The following L3MBTL4 variants were observed in gnomAD, a reference collection of about 807,000 sequenced individuals.
L3MBTL4 encodes lethal(3)malignant brain tumor-like protein 4.
L3MBTL4 carries 70 observed loss-of-function variants against 84.5 expected under a neutral mutation model. That is an observed-to-expected ratio of 0.83 (90% CI 0.68 to 1.01). The LOEUF is 1.01. Ranked by LOEUF, L3MBTL4 falls within the 50% of genes least tolerant of loss-of-function variation. The pLI, the probability that L3MBTL4 is intolerant of heterozygous loss-of-function variation, is 0.00. For synonymous variants in L3MBTL4, 274 were observed against 259.8 expected, an observed-to-expected ratio of 1.05 and a Z score of -0.52; for missense variants, 715 against 754.8, an observed-to-expected ratio of 0.95 and a Z score of 0.62.
At chr18:6,371,768 C>T (rs1338979778) in intron 1 of L3MBTL4, among the ~76,000 whole-genome samples, 3 of 152,170 alleles carry the variant, frequency 2.0e-5, no homozygotes, top group Admixed American at 6.5e-5. Context: ...AAGCAGAAAA[C>T]CTAATAATTT....
At chr18:6,073,183 G>C (rs2057745479) in intron 16 of L3MBTL4, among the ~76,000 whole-genome samples, 1 of 150,104 alleles carries the variant, frequency 6.7e-6, no homozygotes, top group Non-Finnish European at 1.5e-5. Context: ...GAGTGAGAGA[G>C]ACAGAGGGGG....
chr18:5,995,858 T>C (rs985129396), intron 16 of L3MBTL4, among the ~76,000 whole-genome samples: 1 of 152,130 alleles, frequency 6.6e-6, no homozygotes, highest in African/African-American at 2.4e-5. Context: ...CCAAGCTGGG[T>C]CCATTGATCC....
intron 12 of L3MBTL4, among the ~76,000 whole-genome samples, chr18:6,207,416 T>C (rs1368262328): frequency 1.3e-5 from 2 of 152,194 alleles, no homozygotes; most frequent in East Asian, 3.9e-4. Flanking sequence ...CATATGCTAC[T>C]TTATTGGGTT....
chr18:6,388,875 T>G (rs570957300), intron 1 of L3MBTL4, among the ~76,000 whole-genome samples: 1 of 151,868 alleles, frequency 6.6e-6, no homozygotes, highest in African/African-American at 2.4e-5. Context: ...CAGGTGTCAA[T>G]AGTACTTAAC....
chr18:6,377,328 T>C (rs923002461), intron 1 of L3MBTL4, among the ~76,000 whole-genome samples: 12 of 152,206 alleles, frequency 7.9e-5, no homozygotes, highest in African/African-American at 2.9e-4. Flanking sequence ...TTTTTAATTA[T>C]TATTTGTATT....
chr18:5,965,413 T>A (rs1031974165), intron 17 of L3MBTL4, among the ~76,000 whole-genome samples: 7 of 152,150 alleles, frequency 4.6e-5, no homozygotes, highest in Admixed American at 6.5e-5. Flanking sequence ...TTTTAAGTCT[T>A]CCCGAAGGAT....
chr18:6,054,665 C>T (rs1157089919), intron 16 of L3MBTL4, among the ~76,000 whole-genome samples: 3 of 152,202 alleles, frequency 2.0e-5, no homozygotes, highest in Non-Finnish European at 2.9e-5. Context: ...TCAGCTGTAA[C>T]CTCAAACAGA....
At chr18:6,296,306 A>G (rs1348238929) in intron 4 of L3MBTL4, among the ~76,000 whole-genome samples, 1 of 152,208 alleles carries the variant, frequency 6.6e-6, no homozygotes, top group Admixed American at 6.5e-5. Flanking sequence ...TAGCTAATTA[A>G]TACTCTAGAG....
At position 6,243,201 on chromosome 18, in the gene L3MBTL4, G is replaced by C. The variant is rs116485526; in HGVS notation, c.460+93C>G. The C allele has an allele frequency of 2.5e-3, 2,894 of 1,165,796 alleles. 71 individuals are homozygous for C. In the African/African-American group the frequency reaches 0.042, roughly 17 times the overall value. 72.2% of individuals were successfully genotyped at this position (1,165,796 alleles called of 1,614,324 possible). On this transcript the variant is annotated intron_variant, in intron 7 of 18. Transcript: ENST00000317931. Reference sequence around the variant, plus strand: ...TCATTTTGGAAATCAATCCACACCAGGATCTCTTCTTCGAATTTCATAAAG... The same window carrying C: ...TCATTTTGGAAATCAATCCACACCACGATCTCTTCTTCGAATTTCATAAAG...
At position 6,163,246 on chromosome 18, in the gene L3MBTL4, G is replaced by A. The variant is rs565992912; in HGVS notation, c.1096+8582C>T. Among the ~76,000 whole-genome samples, 574 of 129,392 alleles carry A rather than the reference G, an allele frequency of 4.4e-3. 5 individuals carry two copies. The highest frequency in any genetic ancestry group is 0.017 in the African/African-American group (557 of 33,406). 84.9% of individuals were successfully genotyped at this position (129,392 alleles called of 152,430 possible). ...TTGGAGTAGGGGTGTGTTTGTCTAC[G>A]GGTGTGTGTGTGTGGGGGGGGGGTG... On this transcript the variant is annotated intron_variant, in intron 13 of 18. Transcript: ENST00000317931.
chr18:6,229,733 C>G (rs1399022268), intron 10 of L3MBTL4, among the ~76,000 whole-genome samples: 1 of 152,176 alleles, frequency 6.6e-6, no homozygotes, highest in Non-Finnish European at 1.5e-5. Context: ...TGAAGACTCT[C>G]TTTTCCCCAC....
intron 10 of L3MBTL4, among the ~76,000 whole-genome samples, chr18:6,224,020 A>G (rs1039644571): frequency 2.6e-5 from 4 of 152,178 alleles, no homozygotes; most frequent in Non-Finnish European, 5.9e-5. Context: ...GGTGGGAGTA[A>G]TTAACCTGGG....
At chr18:6,288,168 T>C (rs1203724627) in intron 4 of L3MBTL4, among the ~76,000 whole-genome samples, 2 of 152,242 alleles carry the variant, frequency 1.3e-5, no homozygotes. Context: ...ATAACTGAAA[T>C]TCTAAAGTAA....
chr18:6,274,185 G>A (rs760072667), intron 4 of L3MBTL4, among the ~76,000 whole-genome samples: 1 of 152,214 alleles, frequency 6.6e-6, no homozygotes, highest in Non-Finnish European at 1.5e-5. Flanking sequence ...ACCCAAACCA[G>A]CAGCATCAGT....
At chr18:6,256,602 G>A (rs1385836140) in intron 5 of L3MBTL4, 1 of 151,728 alleles carries the variant, frequency 6.6e-6, no homozygotes, top group Non-Finnish European at 1.5e-5. Context: ...ACAAGAAAGT[G>A]GGGGGAGGTG....
At chr18:6,369,918 G>A (rs1361804381) in intron 1 of L3MBTL4, among the ~76,000 whole-genome samples, 1 of 152,128 alleles carries the variant, frequency 6.6e-6, no homozygotes, top group African/African-American at 2.4e-5. Context: ...TGGATCACTT[G>A]AGGTCAAGAG....
chr18:6,246,936 A>G (rs1032547826), intron 5 of L3MBTL4, among the ~76,000 whole-genome samples: 2 of 152,176 alleles, frequency 1.3e-5, no homozygotes, highest in Non-Finnish European at 2.9e-5. Context: ...GGGAAATTTA[A>G]AAGTTGCAAC....
intron 4 of L3MBTL4, among the ~76,000 whole-genome samples, chr18:6,296,413 G>A (rs1222878749): frequency 6.6e-6 from 1 of 152,124 alleles, no homozygotes; most frequent in African/African-American, 2.4e-5. Context: ...AACTTAGGTA[G>A]GAGATTTGGC....
intron 1 of L3MBTL4, among the ~76,000 whole-genome samples, chr18:6,355,488 T>C (rs568179204): frequency 1.3e-5 from 2 of 152,216 alleles, no homozygotes; most frequent in South Asian, 4.1e-4. Flanking sequence ...ACAGTAGTAA[T>C]CTTCATCCAT....
Sources: gnomAD v4.1 joint callset for allele counts (sites outside exome capture counted in the v4.1 genomes callset) on GRCh38, gnomAD v4.1.1 for gene constraint, MANE v1.5 for transcripts, NCBI Gene and HGNC (gene_info 2026-07-23, HGNC 2026-07-21) for gene names.